The following ARL9 variants were observed in gnomAD, a reference collection of about 807,000 sequenced individuals.
ARL9 encodes ADP-ribosylation factor-like protein 9.
Under a neutral mutation model 27.0 loss-of-function variants are expected in ARL9, and 14 were observed. That is an observed-to-expected ratio of 0.52 (90% CI 0.34 to 0.81). The LOEUF (loss-of-function observed/expected upper bound fraction) is 0.81. Ranked by LOEUF, ARL9 falls within the 30% of genes least tolerant of loss-of-function variation. ARL9 has a pLI of 0.01. For synonymous variants in ARL9, 106 were observed against 108.7 expected (o/e 0.98, Z 0.15); for missense variants, 294 against 290.0 (o/e 1.01, Z -0.10).
intron 1 of ARL9, among the ~76,000 whole-genome samples, chr4:56,507,467 G>A (rs892689800): frequency 5.9e-5 from 9 of 151,422 alleles, no homozygotes; most frequent in Non-Finnish European, 1.2e-4. Flanking sequence ...GGTGCACACC[G>A]CCGTGCCTAG....
At chr4:56,513,863 T>G (rs56867212) in intron 2 of ARL9, among the ~76,000 whole-genome samples, 178 of 152,174 alleles carry the variant, frequency 1.2e-3, no homozygotes, top group African/African-American at 4.2e-3. Flanking sequence ...TTCTCATAAA[T>G]TAAGATTAAT....
intron 2 of ARL9, among the ~76,000 whole-genome samples, chr4:56,515,866 C>A (rs182211302): frequency 4.2e-4 from 64 of 152,210 alleles, no homozygotes; most frequent in Middle Eastern, 3.4e-3. Flanking sequence ...AGAATTAATT[C>A]TCCCCAAATT....
chr4:56,505,914 G>C lies in ARL9; in HGVS notation c.52G>C (p.Glu18Gln). The change falls in exon 1 of 4, where the codon GAG becomes CAG. Residue 18 changes from glutamate (E) to glutamine (Q), a missense_variant. Glu to Gln is a conservative substitution (Grantham distance 29). Coordinates refer to ENST00000640821, the MANE Select transcript of ARL9 (RefSeq NM_001363794.2). Reference protein sequence around the residue: ...KKEKEKETQEEKIGEKGREEK... With the variant: ...KKEKEKETQEQKIGEKGREEK... ...AGAGAAGGAAAAGGAGACGCAGGAG[G>C]AGAAAATCGGAGAAAAGGGTAGGGA... is the stretch of plus-strand genomic sequence containing the variant. The C allele has an allele frequency of 8.0e-7, 1 of 1,244,144 alleles. No homozygotes were observed. The allele number at this position is 1,244,144 out of a possible 1,614,324, so 77.1% of individuals were successfully genotyped here.
chr4:56,521,457 T>C (rs1048597975), intron 3 of ARL9, among the ~76,000 whole-genome samples: 1 of 152,220 alleles, frequency 6.6e-6, no homozygotes, highest in African/African-American at 2.4e-5. Context: ...TGTCCCTTTG[T>C]GGATGTCTAT....
intron 3 of ARL9, among the ~76,000 whole-genome samples, chr4:56,519,246 C>T (rs929491435): frequency 2.6e-5 from 4 of 152,112 alleles, no homozygotes; most frequent in Non-Finnish European, 4.4e-5. Context: ...ATTTGGAACC[C>T]TTGTGCACTG....
intron 1 of ARL9, among the ~76,000 whole-genome samples, chr4:56,509,673 T>C (rs557665622): frequency 5.3e-5 from 8 of 151,034 alleles, no homozygotes; most frequent in Non-Finnish European, 1.2e-4. Flanking sequence ...TAGCTGGGAT[T>C]ACAGGCACCC....
intron 1 of ARL9, among the ~76,000 whole-genome samples, chr4:56,509,688 C>T (rs1721577825): frequency 6.8e-6 from 1 of 147,524 alleles, no homozygotes; most frequent in Non-Finnish European, 1.5e-5. Flanking sequence ...GCACCCACCA[C>T]TGCACTGGGC....
chr4:56,512,348 T>G (rs748796607), intron 2 of ARL9, among the ~76,000 whole-genome samples: 2 of 152,100 alleles, frequency 1.3e-5, no homozygotes, highest in African/African-American at 2.4e-5. Flanking sequence ...CTCATGAGGC[T>G]CTTCATAAAC....
At chr4:56,518,563 T>G in intron 2 of ARL9, 115 bp from the exon 3 acceptor site, 1 of 897,666 alleles carries the variant, frequency 1.1e-6, no homozygotes, top group South Asian at 1.7e-5. Flanking sequence ...ACGGTGATAT[T>G]TTATCAAAAC....
At chr4:56,509,537 G>T (rs1278180029) in intron 1 of ARL9, among the ~76,000 whole-genome samples, 16 of 149,564 alleles carry the variant, frequency 1.1e-4, no homozygotes, top group African/African-American at 3.9e-4. Flanking sequence ...AAGTTCATCA[G>T]TTTAGTTTTT....
At chr4:56,523,663 A>G (rs764847762) in intron 3 of ARL9, 34 bp from the exon 4 acceptor site, 32 of 1,568,564 alleles carry the variant, frequency 2.0e-5, no homozygotes, top group Non-Finnish European at 2.5e-5. Flanking sequence ...AAAATAACCA[A>G]CTTTGTCCTA....
upstream of ARL9, chr4:56,505,299 G>C (rs989562952): frequency 1.2e-5 from 5 of 430,758 alleles, no homozygotes; most frequent in East Asian, 1.5e-4. Flanking sequence ...CTCGGGAGAG[G>C]GCGGAGAAAT....
intron 1 of ARL9, chr4:56,506,621 C>T (rs964254885): frequency 1.0e-6 from 1 of 985,224 alleles, no homozygotes; most frequent in Non-Finnish European, 1.2e-6. Flanking sequence ...GTTTTCAGAC[C>T]ACCAGTACCA....
chr4:56,514,091 C>T (rs568861955), intron 2 of ARL9, among the ~76,000 whole-genome samples: 2 of 152,206 alleles, frequency 1.3e-5, no homozygotes, highest in South Asian at 2.1e-4. Flanking sequence ...GGATTGCTTG[C>T]GCCCAGAAGG....
Position 56,523,918 on chromosome 4 carries a change from T to C in ARL9, c.*42T>C. Reference sequence around the variant, plus strand: ...TGTGCGGCTCACGACTGAGATGTCATCAGTGTTGAATGGCAGGCTTGAAGC... The same window carrying C: ...TGTGCGGCTCACGACTGAGATGTCACCAGTGTTGAATGGCAGGCTTGAAGC... On this transcript the variant is annotated 3_prime_UTR_variant, in exon 4 of 4. Coordinates refer to ENST00000640821, the MANE Select transcript of ARL9 (RefSeq NM_001363794.2). 6.4e-7 allele frequency: 1 copy of C among 1,561,484 alleles called. No homozygotes were observed. The highest frequency in any genetic ancestry group is 8.7e-7 in the Non-Finnish European group (1 of 1,153,784).
At chr4:56,517,570 C>CT (rs35931695) in intron 2 of ARL9, among the ~76,000 whole-genome samples, 12,673 of 151,426 alleles carry the variant, frequency 0.084, 681 homozygotes, top group East Asian at 0.27. Flanking sequence ...GTTATTCTGT[C>CT]TTTTTTTTTC....
At chr4:56,517,541 T>C (rs1465940970) in intron 2 of ARL9, among the ~76,000 whole-genome samples, 3 of 152,130 alleles carry the variant, frequency 2.0e-5, no homozygotes, top group East Asian at 1.9e-4. Context: ...TTTGATATAA[T>C]AGTCCTGTGT....
At chr4:56,506,508 C>A in intron 1 of ARL9, 1 of 596,224 alleles carries the variant, frequency 1.7e-6, no homozygotes, top group Non-Finnish European at 2.1e-6. Context: ...TAGAAACCAG[C>A]CCCGAACCCT....
At chr4:56,510,069 T>G (rs1424714014) in intron 1 of ARL9, among the ~76,000 whole-genome samples, 2 of 151,798 alleles carry the variant, frequency 1.3e-5, no homozygotes, top group Non-Finnish European at 2.9e-5. Flanking sequence ...ATTAGAATTA[T>G]AAGAGGGAGG....
Sources: allele counts gnomAD v4.1 joint callset (sites outside exome capture counted in the v4.1 genomes callset), GRCh38; gene constraint gnomAD v4.1.1; transcripts MANE v1.5; gene names NCBI Gene and HGNC (gene_info 2026-07-23, HGNC 2026-07-21).